L3MBTL4: variants seen among roughly 807,000 people sequenced by gnomAD.
L3MBTL4 encodes the protein L3MBTL histone methyl-lysine binding protein 4.
In L3MBTL4, 70 loss-of-function variants were observed where a neutral mutation model predicts 84.5. The observed-to-expected ratio is 0.83, with a 90% confidence interval of 0.68 to 1.01. L3MBTL4 has a LOEUF of 1.01. Among genes scored for constraint, L3MBTL4 ranks in the 50% least tolerant of loss-of-function variants. The pLI is 0.00. For synonymous variants in L3MBTL4, 274 were observed against 259.8 expected (o/e 1.05, Z -0.52); for missense variants, 715 against 754.8 (o/e 0.95, Z 0.62).
At chr18:6,056,970 G>C (rs2057047508) in intron 16 of L3MBTL4, among the ~76,000 whole-genome samples, 1 of 152,036 alleles carries the variant, frequency 6.6e-6, no homozygotes. Flanking sequence ...CTATCATAGT[G>C]AACATATTAA....
In L3MBTL4 at chr18:6,097,190, A is replaced by T. The variant is rs527540138; in HGVS notation, c.1200-3662T>A. Among the ~76,000 whole-genome samples, 7 of 152,330 alleles carry T rather than the reference A, an allele frequency of 4.6e-5. 1 individual carries two copies. The South Asian group carries it at 1.2e-3, about 27-fold the overall frequency. ...CAACAGTGAAGCAGTTGAAGAGAGG[A>T]TATACGCTAAATAAACAAAAAGTTG... is the stretch of plus-strand genomic sequence containing the variant. On this transcript the variant is annotated intron_variant, in intron 14 of 18. Transcript: ENST00000317931.
chr18:6,312,318 T>C lies in L3MBTL4; in HGVS notation c.-90-262A>G, dbSNP rs746190577. Among the ~76,000 whole-genome samples, 8 of 152,314 alleles carry C rather than the reference T, an allele frequency of 5.3e-5. No homozygotes were observed. The East Asian group carries it at 5.8e-4, about 11-fold the overall frequency. ...ACTTTTAATAGCCCTAAATCATCTATAGTCCCCAGTGCTTTACGATGATAT... is the reference window on the plus strand; with the variant it reads ...ACTTTTAATAGCCCTAAATCATCTACAGTCCCCAGTGCTTTACGATGATAT... On this transcript the variant is annotated intron_variant, in intron 1 of 18. Coordinates refer to ENST00000317931, the MANE Select transcript of L3MBTL4 (RefSeq NM_001330559.2).
At chr18:6,150,151 A>G (rs1249400948) in intron 13 of L3MBTL4, among the ~76,000 whole-genome samples, 1 of 152,214 alleles carries the variant, frequency 6.6e-6, no homozygotes, top group East Asian at 1.9e-4. Context: ...CGGACTAAAA[A>G]TGTCAAGCTG....
chr18:6,051,941 G>C (rs1170454518), intron 16 of L3MBTL4, among the ~76,000 whole-genome samples: 1 of 152,232 alleles, frequency 6.6e-6, no homozygotes, highest in African/African-American at 2.4e-5. Context: ...GAAAACACCA[G>C]AGGAGTCTTG....
At chr18:6,231,466 T>C (rs1173314056) in intron 10 of L3MBTL4, among the ~76,000 whole-genome samples, 1 of 152,160 alleles carries the variant, frequency 6.6e-6, no homozygotes, top group Non-Finnish European at 1.5e-5. Flanking sequence ...TACCATGCTG[T>C]TTTGGTTACA....
rs2046554618 is a variant in L3MBTL4 at position 6,221,567 on chromosome 18, TA to T, written c.785-5733del. Among the ~76,000 whole-genome samples, 4 of 152,288 alleles carry T rather than the reference TA, an allele frequency of 2.6e-5. No homozygotes were observed. In the South Asian group the frequency reaches 8.3e-4, roughly 32 times the overall value. On this transcript the variant is annotated intron_variant, in intron 10 of 18. Coordinates refer to ENST00000317931, the MANE Select transcript of L3MBTL4 (RefSeq NM_001330559.2). The stretch of plus-strand genomic sequence containing the variant: ...AGGCAACTAACAACGAAGTCAAAGC[TA>T]GAGCCTGTGTCTCCTGACTTGCAAT...
rs1307398243 is a variant in L3MBTL4, at chr18:6,263,973, C to T, written c.193G>A (p.Ala65Thr). The T allele has an allele frequency of 6.2e-6, 10 of 1,613,854 alleles. No homozygotes were observed. The highest frequency in any genetic ancestry group is 1.1e-5 in the South Asian group (1 of 91,074). ...TTGGAAAACAGCTCAACAGGTGCTG[C>T]GACAGCCTTCTGTTCTTTCAAGTAC... is the stretch of plus-strand genomic sequence containing the variant. ...EWYLKEQKAV[A>T]APVELFSKDQ... Residue 65 changes from alanine (A) to threonine (T), a missense_variant, in exon 5 of 19, where the codon GCA (alanine) becomes ACA (threonine). By Grantham distance (58) the Ala-to-Thr change is moderately conservative. Transcript: ENST00000317931.
intron 16 of L3MBTL4, among the ~76,000 whole-genome samples, chr18:5,985,034 G>A (rs1046156035): frequency 6.6e-6 from 1 of 151,834 alleles, no homozygotes. Context: ...GAAGGAGGAA[G>A]AATTTAATGA....
intron 10 of L3MBTL4, among the ~76,000 whole-genome samples, chr18:6,227,461 A>G (rs1237750547): frequency 1.3e-5 from 2 of 152,232 alleles, no homozygotes; most frequent in Non-Finnish European, 2.9e-5. Flanking sequence ...TAAATTAGCA[A>G]AATTGAATTC....
At chr18:6,070,594 ATTGT>A (rs1310380461) in intron 16 of L3MBTL4, among the ~76,000 whole-genome samples, 1 of 151,852 alleles carries the variant, frequency 6.6e-6, no homozygotes, top group Non-Finnish European at 1.5e-5. Flanking sequence ...AAGTGGGCAG[ATTGT>A]TTGAACCCAG....
In L3MBTL4 at chr18:6,414,001, C is replaced by T. The variant is rs2056080751; in HGVS notation, c.-91+800G>A. On this transcript the variant is annotated intron_variant, in intron 1 of 18. Coordinates refer to ENST00000317931, the MANE Select transcript of L3MBTL4 (RefSeq NM_001330559.2). This position sits in a 1 kb window ranked among gnomAD's most constrained non-coding sequence, Gnocchi z 5.4. ...CGCGAAAACGCTCTCACCAATCCCG[C>T]AGGTAAGTGCGGCGCTGGCCCAGGT... The T allele has an allele frequency of 6.6e-6, 1 of 152,334 alleles. No homozygotes were observed. Among genetic ancestry groups the T allele is most frequent in the Admixed American group, 6.5e-5 (1 of 15,292 alleles). 9.4% of individuals were successfully genotyped at this position (152,334 alleles called of 1,614,324 possible).
chr18:6,332,683 C>T (rs1016918135), intron 1 of L3MBTL4, among the ~76,000 whole-genome samples: 2 of 152,200 alleles, frequency 1.3e-5, no homozygotes, highest in Non-Finnish European at 2.9e-5. Context: ...AGACCAAAGA[C>T]AATGCAGAGG....
chr18:6,143,920 GGGCGCGGT>G (rs2042526572), intron 13 of L3MBTL4, among the ~76,000 whole-genome samples: 1 of 152,102 alleles, frequency 6.6e-6, no homozygotes, highest in Admixed American at 6.6e-5. Flanking sequence ...AGCAACGGCT[GGGCGCGGT>G]GGCTCACGCC....
chr18:5,965,504 C>T (rs1422568302), intron 17 of L3MBTL4, among the ~76,000 whole-genome samples: 2 of 152,196 alleles, frequency 1.3e-5, no homozygotes, highest in African/African-American at 2.4e-5. Context: ...AGCGCAAAAG[C>T]ACCCCTGAGC....
intron 13 of L3MBTL4, among the ~76,000 whole-genome samples, chr18:6,161,672 T>A (rs575804806): frequency 2.4e-4 from 36 of 152,306 alleles, no homozygotes; most frequent in Admixed American, 8.5e-4. Context: ...CATTTTCACC[T>A]CTAGAGAGGC....
intron 1 of L3MBTL4, among the ~76,000 whole-genome samples, chr18:6,401,819 A>G (rs1433653518): frequency 6.6e-6 from 1 of 152,238 alleles, no homozygotes; most frequent in Non-Finnish European, 1.5e-5. Flanking sequence ...AGAAATGTAC[A>G]GGCAAGTGTG....
At chr18:6,063,606 T>C (rs2057307739) in intron 16 of L3MBTL4, among the ~76,000 whole-genome samples, 2 of 151,910 alleles carry the variant, frequency 1.3e-5, no homozygotes, top group South Asian at 4.2e-4. Context: ...TGATGATTAG[T>C]GATATTGAGC....
At chr18:6,345,413 C>CAAAA (rs1230716885) in intron 1 of L3MBTL4, among the ~76,000 whole-genome samples, 1 of 149,596 alleles carries the variant, frequency 6.7e-6, no homozygotes. Context: ...AACAAACAAA[C>CAAAA]AAACAAACAA....
At chr18:6,350,905 T>G (rs1342704224) in intron 1 of L3MBTL4, among the ~76,000 whole-genome samples, 1 of 152,132 alleles carries the variant, frequency 6.6e-6, no homozygotes, top group Non-Finnish European at 1.5e-5. Context: ...AAAAATGAAA[T>G]TCTAGGCCAG....
Sources: gnomAD v4.1 joint callset for allele counts (sites outside exome capture counted in the v4.1 genomes callset) on GRCh38, gnomAD v4.1.1 for gene constraint, Gnocchi (gnomAD v3.1) non-coding constraint, MANE v1.5 for transcripts, NCBI Gene and HGNC (gene_info 2026-07-23, HGNC 2026-07-21) for gene names.